ARHGEF4: variants seen among roughly 807,000 people sequenced by gnomAD.
The protein encoded by ARHGEF4 is Rho guanine nucleotide exchange factor 4.
Under a neutral mutation model 162.0 loss-of-function variants are expected in ARHGEF4, and 119 were observed. The observed-to-expected ratio is 0.73, with a 90% CI of 0.63 to 0.86. ARHGEF4 has a LOEUF of 0.86. Among genes scored for constraint, ARHGEF4 ranks in the 40% least tolerant of loss-of-function variants. The pLI is 0.00. For synonymous variants in ARHGEF4, 1,014 were observed against 979.9 expected, an observed-to-expected ratio of 1.03 and a Z score of -0.65; for missense variants, 2,488 against 2,456.0, an observed-to-expected ratio of 1.01 and a Z score of -0.28.
chr2:130,940,636 C>T (rs557075050), intron 3 of ARHGEF4, among the ~76,000 whole-genome samples: 54 of 148,662 alleles, frequency 3.6e-4, no homozygotes, highest in African/African-American at 1.3e-3. Flanking sequence ...GTCAGGAGAT[C>T]GAGACCACGG....
chr2:130,989,240 C>T (rs62178935), intron 4 of ARHGEF4, among the ~76,000 whole-genome samples: 8,702 of 152,164 alleles, frequency 0.057, 300 homozygotes, highest in African/African-American at 0.096. Flanking sequence ...TGATTACAGG[C>T]GTGAGCCACC....
At chr2:130,959,571 A>C (rs1164041595) in intron 4 of ARHGEF4, among the ~76,000 whole-genome samples, 1 of 152,240 alleles carries the variant, frequency 6.6e-6, no homozygotes, top group Non-Finnish European at 1.5e-5. Context: ...AGTACCTCAC[A>C]TCTGGTATAT....
At position 130,914,480 on chromosome 2, in the gene ARHGEF4, C is replaced by T; in HGVS notation, c.534C>T (p.Pro178=). The change falls in exon 2 of 14, where the codon CCC becomes CCT. Residue 178 remains proline (P), a synonymous_variant. Transcript: ENST00000409359. ...GAGAGTCTTTGCTGGCAGGGGTTCC[C>T]CGACACACAGGGTGCTGCTTACAGA... ...LERESLLAGV[P]RHTGCCLQRA... is the part of the protein sequence containing the mutation. 2 of 1,433,582 alleles carry T rather than the reference C, an allele frequency of 1.4e-6. No homozygotes were observed. Among genetic ancestry groups the T allele is most frequent in the African/African-American group, 1.4e-5 (1 of 69,744 alleles). The allele number at this position is 1,433,582 out of a possible 1,614,324, so 88.8% of individuals were successfully genotyped here. A position where few individuals can be genotyped will look rare whatever the true frequency, so the allele number is the denominator to read the frequency against.
At chr2:130,842,695 T>A (rs2104856092) in intron 1 of ARHGEF4, among the ~76,000 whole-genome samples, 1 of 152,314 alleles carries the variant, frequency 6.6e-6, no homozygotes, top group East Asian at 1.9e-4. Flanking sequence ...CGTGGTAATG[T>A]ATTTCCACGG....
chr2:130,959,926 G>A (rs1684532809), intron 4 of ARHGEF4, among the ~76,000 whole-genome samples: 1 of 152,146 alleles, frequency 6.6e-6, no homozygotes, highest in African/African-American at 2.4e-5. Flanking sequence ...GTTTTTTTGT[G>A]TACAGTAGAA....
chr2:130,837,122 T>A (rs1680248066), intron 1 of ARHGEF4, 130 bp downstream of exon 1: 3 of 855,552 alleles, frequency 3.5e-6, no homozygotes, highest in Non-Finnish European at 4.6e-6. Context: ...GACACCCTCG[T>A]GGCTCCCCGC....
chr2:130,900,447 A>G (rs919752190), intron 1 of ARHGEF4, among the ~76,000 whole-genome samples: 11 of 152,136 alleles, frequency 7.2e-5, no homozygotes, highest in Non-Finnish European at 1.3e-4. Flanking sequence ...CCTTAAGGTC[A>G]CTGATTCTGT....
intron 1 of ARHGEF4, among the ~76,000 whole-genome samples, chr2:130,887,857 C>T (rs114324472): frequency 0.014 from 2,150 of 152,068 alleles, 77 homozygotes; most frequent in African/African-American, 0.049. Flanking sequence ...AGGACCACGC[C>T]GGCAGGGTTT....
intron 3 of ARHGEF4, among the ~76,000 whole-genome samples, chr2:130,942,450 GT>G (rs1683368910): frequency 6.6e-6 from 1 of 152,060 alleles, no homozygotes; most frequent in Admixed American, 6.6e-5. Context: ...CGCCTGGCTG[GT>G]TTGGTAGTTT....
intron 4 of ARHGEF4, among the ~76,000 whole-genome samples, chr2:131,014,888 C>T (rs1256908472): frequency 1.3e-5 from 2 of 152,070 alleles, no homozygotes; most frequent in Non-Finnish European, 2.9e-5. Flanking sequence ...GTAGGCAGAA[C>T]GGCTAGAGAC....
chr2:130,884,925 T>G (rs960254116), intron 1 of ARHGEF4, among the ~76,000 whole-genome samples: 10 of 152,144 alleles, frequency 6.6e-5, no homozygotes, highest in Non-Finnish European at 1.5e-4. Flanking sequence ...TCCAGCTTCT[T>G]CATCAATAAA....
In ARHGEF4 at chr2:130,914,808, C is replaced by A; in HGVS notation, c.862C>A (p.Pro288Thr). Residue 288 changes from proline to threonine, a missense_variant, in exon 2 of 14, where the codon CCC becomes ACC. By Grantham distance (38) the Pro-to-Thr change is conservative. Coordinates refer to ENST00000409359, the MANE Select transcript of ARHGEF4 (RefSeq NM_001367493.1). ...AGDTELLWSQPHSDVPCQPPL... is the reference protein window; with the variant it reads ...AGDTELLWSQTHSDVPCQPPL... ...GGACACAGAATTGCTCTGGTCCCAG[C>A]CCCACTCGGATGTCCCCTGCCAGCC... 1 of 1,449,212 alleles carries A rather than the reference C, an allele frequency of 6.9e-7. No individual in the cohort carries two copies. Among genetic ancestry groups the A allele is most frequent in the South Asian group, 1.5e-5 (1 of 68,076 alleles). 89.8% of individuals were successfully genotyped at this position (1,449,212 alleles called of 1,614,324 possible).
intron 4 of ARHGEF4, among the ~76,000 whole-genome samples, chr2:131,002,402 C>A (rs946780382): frequency 1.3e-5 from 2 of 151,736 alleles, no homozygotes; most frequent in Admixed American, 6.6e-5. Context: ...ACGGTGAAAC[C>A]CCATCTACTA....
chr2:131,035,030 G>A (rs1296085149), intron 5 of ARHGEF4: 11 of 989,274 alleles, frequency 1.1e-5, no homozygotes, highest in Non-Finnish European at 3.6e-6. Context: ...GGCGCTGCGG[G>A]CCACCGGCTC....
chr2:130,972,309 C>A (rs572511480), intron 4 of ARHGEF4, among the ~76,000 whole-genome samples: 1 of 152,212 alleles, frequency 6.6e-6, no homozygotes, highest in African/African-American at 2.4e-5. Context: ...CTACTAAAGG[C>A]CTACTAATGA....
At chr2:130,881,452 A>G (rs1243670305) in intron 1 of ARHGEF4, among the ~76,000 whole-genome samples, 2 of 151,772 alleles carry the variant, frequency 1.3e-5, no homozygotes, top group Non-Finnish European at 2.9e-5. Context: ...AAAATCTTCA[A>G]GGGCTAAGGA....
At chr2:130,965,389 C>T (rs531699653) in intron 4 of ARHGEF4, among the ~76,000 whole-genome samples, 1 of 152,366 alleles carries the variant, frequency 6.6e-6, no homozygotes, top group South Asian at 2.1e-4. Context: ...CTGCCCGTTC[C>T]CAAAACACAC....
intron 3 of ARHGEF4, among the ~76,000 whole-genome samples, chr2:130,939,043 T>G (rs537764537): frequency 6.6e-6 from 1 of 152,320 alleles, no homozygotes; most frequent in South Asian, 2.1e-4. Context: ...TTTTCAGTCC[T>G]CACCCTCCTC....
At chr2:130,883,260 C>T (rs937150564) in intron 1 of ARHGEF4, among the ~76,000 whole-genome samples, 1 of 152,066 alleles carries the variant, frequency 6.6e-6, no homozygotes, top group East Asian at 1.9e-4. Context: ...GGCATGGGGC[C>T]TCTCTGCCAG....
Sources: allele counts gnomAD v4.1 joint callset (sites outside exome capture counted in the v4.1 genomes callset), GRCh38; gene constraint gnomAD v4.1.1; transcripts MANE v1.5; gene names NCBI Gene and HGNC (gene_info 2026-07-23, HGNC 2026-07-21).